The following NCOA4 variants were observed in gnomAD, a reference collection of about 807,000 sequenced individuals.
The protein encoded by NCOA4 is 70 kDa AR-activator.
Under a neutral mutation model 69.5 loss-of-function variants are expected in NCOA4, and 31 were observed. The observed-to-expected ratio is 0.45, with a 90% CI of 0.34 to 0.60. The LOEUF is 0.60. Among genes scored for constraint, NCOA4 ranks in the 20% least tolerant of loss-of-function variants. NCOA4 has a pLI of 0.02. For missense variants in NCOA4, 600 were observed against 719.2 expected, an observed-to-expected ratio of 0.83 and a Z score of 1.90; for synonymous variants, 228 against 252.4, an observed-to-expected ratio of 0.90 and a Z score of 0.92.
chr10:46,009,215 A>T (rs1554920501), intron 9 of NCOA4, 196 bp downstream of exon 9: 11 of 1,548,088 alleles, frequency 7.1e-6, no homozygotes, highest in Non-Finnish European at 7.9e-6. Context: ...AAGTATGCCT[A>T]GTTAGTTAAT....
chr10:46,021,847 T>C (rs2132366886), intron 1 of NCOA4, among the ~76,000 whole-genome samples: 1 of 152,168 alleles, frequency 6.6e-6, no homozygotes, highest in Admixed American at 6.5e-5. Context: ...TAATTCCAGC[T>C]AATCGGGAGG....
intron 1 of NCOA4, chr10:46,019,437 G>A: frequency 2.0e-6 from 2 of 985,430 alleles, no homozygotes; most frequent in Non-Finnish European, 2.4e-6. Flanking sequence ...TTTCAAATGT[G>A]TTACCCAGCC....
intron 7 of NCOA4, among the ~76,000 whole-genome samples, chr10:46,012,089 A>AAAAAAAAC: frequency 1.4e-5 from 2 of 140,722 alleles, no homozygotes; most frequent in Non-Finnish European, 3.0e-5. Context: ...AAAAAAAAAA[A>AAAAAAAAC]AAAAAAAAAA....
Position 46,022,430 on chromosome 10 carries a change from G to A in NCOA4, c.-14-5736C>T, listed in dbSNP as rs1035961169. 2.9e-5 allele frequency: 13 copies of A among 453,244 alleles called. No individual in the cohort carries two copies. In the East Asian group the frequency reaches 7.0e-4, roughly 24 times the overall value. 28.1% of individuals were successfully genotyped at this position (453,244 alleles called of 1,614,324 possible). A position where few individuals can be genotyped will look rare whatever the true frequency, so the allele number is the denominator to read the frequency against. ...CCTTGAGACTTTTTTCACTTCACACGTTCTTTCTTCCGTCTTTTTTTTAAA... is the reference window on the plus strand; with the variant it reads ...CCTTGAGACTTTTTTCACTTCACACATTCTTTCTTCCGTCTTTTTTTTAAA... On this transcript the variant is annotated intron_variant, in intron 1 of 9. Transcript: ENST00000581486.
At chr10:46,012,839 C>A in intron 7 of NCOA4, 44 bp downstream of exon 7, 4 of 1,604,504 alleles carry the variant, frequency 2.5e-6, no homozygotes, top group Non-Finnish European at 3.4e-6. Flanking sequence ...CTAACTCCAC[C>A]TACTGCTGTG....
chr10:46,024,793 AAAC>A (rs781993094), intron 1 of NCOA4, among the ~76,000 whole-genome samples: 10 of 152,304 alleles, frequency 6.6e-5, no homozygotes, highest in Admixed American at 2.0e-4. Context: ...TGCTGTCTCA[AAAC>A]AACAACCAAC....
intron 1 of NCOA4, chr10:46,022,481 T>C (rs1839933061): frequency 4.3e-6 from 2 of 466,586 alleles, no homozygotes; most frequent in Non-Finnish European, 8.8e-6. Context: ...TTTTTTTTGT[T>C]TTGAGACGGA....
chr10:46,007,128 TC>T (rs1158333835), intron 9 of NCOA4, among the ~76,000 whole-genome samples: 1 of 152,204 alleles, frequency 6.6e-6, no homozygotes, highest in Non-Finnish European at 1.5e-5. Context: ...GAGGTGCTAC[TC>T]CAGTGAACAG....
chr10:46,007,771 TACAG>T (rs562597245), intron 9 of NCOA4, among the ~76,000 whole-genome samples: 4 of 151,958 alleles, frequency 2.6e-5, no homozygotes, highest in Non-Finnish European at 5.9e-5. Context: ...TTAATTTTTG[TACAG>T]ACAGGGTCTC....
At position 46,010,464 on chromosome 10, in the gene NCOA4, A is replaced by G; in HGVS notation, c.1457T>C (p.Phe486Ser). Residue 486 changes from phenylalanine to serine, a missense_variant, in exon 8 of 10, where the codon TTC becomes TCC. Phe to Ser is a radical substitution (Grantham distance 155). Coordinates refer to ENST00000581486, the MANE Select transcript of NCOA4 (RefSeq NM_001145263.2). ...AMTPSRIADSFQVIKNSPLSE... is the reference protein window; with the variant it reads ...AMTPSRIADSSQVIKNSPLSE... ...CAAGGGGCTGTTCTTTATGACTTGG[A>G]AGGAATCAGCAATTCTAGAAGGAGT... The G allele has an allele frequency of 6.2e-7, 1 of 1,614,150 alleles. No homozygotes were observed. Among genetic ancestry groups the G allele is most frequent in the Non-Finnish European group, 8.5e-7 (1 of 1,180,022 alleles).
chr10:46,011,487 G>C (rs1455149636), intron 7 of NCOA4, among the ~76,000 whole-genome samples: 1 of 151,136 alleles, frequency 6.6e-6, no homozygotes, highest in African/African-American at 2.4e-5. Context: ...GTGTTAGCCA[G>C]GATGGTCTCG....
chr10:46,027,493 G>C (rs1554925745), intron 1 of NCOA4: 7 of 1,550,712 alleles, frequency 4.5e-6, no homozygotes, highest in Non-Finnish European at 5.2e-6. Context: ...CATTGTTCAT[G>C]TGCGTTCTAT....
At chr10:46,021,874 G>A (rs112072241) in intron 1 of NCOA4, among the ~76,000 whole-genome samples, 3,440 of 152,244 alleles carry the variant, frequency 0.023, 127 homozygotes, top group African/African-American at 0.078. Flanking sequence ...CAGGAGAATC[G>A]CTTGAACCTG....
chr10:46,016,064 A>G (rs1390316815), intron 2 of NCOA4, among the ~76,000 whole-genome samples: 1 of 152,202 alleles, frequency 6.6e-6, no homozygotes, highest in South Asian at 2.1e-4. Context: ...CAACAACAAA[A>G]TACTACTGGA....
intron 4 of NCOA4, 23 bp from the exon 5 acceptor site, chr10:46,014,575 G>A: frequency 6.5e-7 from 1 of 1,534,434 alleles, no homozygotes. Flanking sequence ...AAACAAAATT[G>A]GCTATTTTTA....
Position 46,016,570 on chromosome 10 carries a change from A to G in NCOA4, c.111T>C (p.Ala37=). The G allele has an allele frequency of 6.5e-7, 1 of 1,535,936 alleles. No homozygotes were observed. The highest frequency in any genetic ancestry group is 8.8e-7 in the Non-Finnish European group (1 of 1,133,600). ...LELAIGGVLR[A]EQQIKDNLRE... The stretch of plus-strand genomic sequence containing the variant: ...GCAAGTTATCTTTAATTTGCTGTTC[A>G]GCCCGGAGAACTCCACCAATAGCAA... Residue 37 remains alanine, a synonymous_variant, in exon 2 of 10, where the codon GCT becomes GCC. Coordinates refer to ENST00000581486, the MANE Select transcript of NCOA4 (RefSeq NM_001145263.2).
intron 7 of NCOA4, among the ~76,000 whole-genome samples, chr10:46,012,372 T>G (rs1554921908): frequency 6.6e-6 from 1 of 152,120 alleles, no homozygotes; most frequent in African/African-American, 2.4e-5. Flanking sequence ...CCTAAGGAAC[T>G]AATCAAGAAT....
chr10:46,010,416 G>A lies in NCOA4; in HGVS notation c.1505C>T (p.Pro502Leu). Reference sequence around the variant, plus strand: ...TTCCTTGGGACTTCCTTCTTTGTATGGGGGCCTGATAAGCCACTCCGACAA... The same window carrying A: ...TTCCTTGGGACTTCCTTCTTTGTATAGGGGCCTGATAAGCCACTCCGACAA... ...SPLSEWLIRP[P>L]YKEGSPKEVP... is the part of the protein sequence containing the mutation. The change falls in exon 8 of 10, where the codon CCA becomes CTA. Residue 502 changes from proline to leucine, a missense_variant. Coordinates refer to ENST00000581486, the MANE Select transcript of NCOA4 (RefSeq NM_001145263.2). 1 of 1,614,122 alleles carries A rather than the reference G, an allele frequency of 6.2e-7. No individual in the cohort carries two copies. The highest frequency in any genetic ancestry group is 8.5e-7 in the Non-Finnish European group (1 of 1,180,022).
Position 46,010,224 on chromosome 10 carries a change from T to C in NCOA4, c.1697A>G (p.Gln566Arg). 1 of 1,600,038 alleles carries C rather than the reference T, an allele frequency of 6.2e-7. No individual in the cohort carries two copies. Among genetic ancestry groups the C allele is most frequent in the South Asian group, 1.1e-5 (1 of 88,840 alleles). ...TGCTATTTTGATGTTTATGCTCACC[T>C]GGGCCTTCTTTCGAAGCAGCCACTT... ...EDKWLLRKKAQEVLLNSPLQE... is the reference protein window; with the variant it reads ...EDKWLLRKKAREVLLNSPLQE... Residue 566 changes from glutamine to arginine, a missense_variant and splice_region_variant, in exon 8 of 10, where the codon CAG (glutamine) becomes CGG (arginine). Physicochemically the swap from Gln to Arg is conservative, Grantham distance 43. Coordinates refer to ENST00000581486, the MANE Select transcript of NCOA4 (RefSeq NM_001145263.2).
Sources: gnomAD v4.1 joint callset for allele counts (sites outside exome capture counted in the v4.1 genomes callset) on GRCh38, gnomAD v4.1.1 for gene constraint, MANE v1.5 for transcripts, NCBI Gene and HGNC (gene_info 2026-07-23, HGNC 2026-07-21) for gene names.